The following RPL3 variants were observed in gnomAD, a reference collection of about 807,000 sequenced individuals.
RPL3 encodes the protein ribosomal protein L3.
In RPL3, 3 loss-of-function variants were observed where a neutral mutation model predicts 46.0. The observed-to-expected ratio is 0.07, with a 90% confidence interval of 0.03 to 0.17. The LOEUF (loss-of-function observed/expected upper bound fraction) is 0.17. Ranked by LOEUF, RPL3 falls within the 10% of genes least tolerant of loss-of-function variation. RPL3 has a pLI of 1.00. For synonymous variants in RPL3, 224 were observed against 190.8 expected (o/e 1.17, Z -1.43); for missense variants, 387 against 532.7 (o/e 0.73, Z 2.69).
chr22:39,317,013 C>T (rs763177338), intron 3 of RPL3, 172 bp from the exon 4 acceptor site: 13 of 962,852 alleles, frequency 1.4e-5, no homozygotes, highest in Non-Finnish European at 2.1e-5. Flanking sequence ...CGGGCAGAGC[C>T]GAGCGGAGCT....
chr22:39,317,701 C>T, intron 2 of RPL3, 72 bp from the exon 3 acceptor site: 1 of 1,568,382 alleles, frequency 6.4e-7, no homozygotes, highest in South Asian at 1.1e-5. Flanking sequence ...TAGGAAAATG[C>T]AAAGTGCCCA....
At chr22:39,317,264 A>G (rs1922760590) in intron 3 of RPL3, 197 bp downstream of exon 3, 1 of 654,476 alleles carries the variant, frequency 1.5e-6, no homozygotes, top group African/African-American at 1.8e-5. Context: ...CTGGACTCAG[A>G]ATGAGGGTGT....
In RPL3 at chr22:39,314,705, C is replaced by T. The variant is rs373678761; in HGVS notation, c.830G>A (p.Arg277His). The T allele has an allele frequency of 7.4e-6, 12 of 1,613,148 alleles. No individual in the cohort carries two copies. Among genetic ancestry groups the T allele is most frequent in the African/African-American group, 1.3e-5 (1 of 74,970 alleles). Residue 277 changes from arginine to histidine, a missense_variant, in exon 6 of 10, where the codon CGC becomes CAC. Around this residue, in one of 5 missense-constraint regions of RPL3, gnomAD observed 131 missense variants for 185.1 expected, o/e 0.71. Coordinates refer to ENST00000216146, the MANE Select transcript of RPL3 (RefSeq NM_000967.4). ...CCTCACCTTCTTGTTGATCTCAGTG[C>T]GGTGATGGTAGCCTTTCTGCCCAGC... ...ARAGQKGYHHRTEINKKIYKI... is the reference protein window; with the variant it reads ...ARAGQKGYHHHTEINKKIYKI...
At chr22:39,313,914 A>G (rs760454408) in intron 7 of RPL3, 185 bp from the exon 8 acceptor site, 46 of 835,226 alleles carry the variant, frequency 5.5e-5, no homozygotes, top group Admixed American at 3.4e-5. Flanking sequence ...TGAACAGCTG[A>G]GCCTGAGACC....
At chr22:39,313,416 T>G in intron 8 of RPL3, 106 bp from the exon 9 acceptor site, 1 of 1,523,706 alleles carries the variant, frequency 6.6e-7, no homozygotes, top group South Asian at 1.2e-5. Context: ...CAATTCAGCC[T>G]CCCCCACCAT....
chr22:39,314,635 C>A, intron 6 of RPL3, 51 bp downstream of exon 6: 1 of 1,565,410 alleles, frequency 6.4e-7, no homozygotes, highest in Non-Finnish European at 8.7e-7. Flanking sequence ...ACCCCACTCC[C>A]CATCACGGGG....
At position 39,314,702 on chromosome 22, in the gene RPL3, G is replaced by A; in HGVS notation, c.833C>T (p.Thr278Ile). 3 of 1,613,214 alleles carry A rather than the reference G, an allele frequency of 1.9e-6. No individual in the cohort carries two copies. The highest frequency in any genetic ancestry group is 2.5e-6 in the Non-Finnish European group (3 of 1,179,846). ...GAACCTCACCTTCTTGTTGATCTCA[G>A]TGCGGTGATGGTAGCCTTTCTGCCC... ...RAGQKGYHHR[T>I]EINKKIYKIG... The change falls in exon 6 of 10, where the codon ACT (threonine) becomes ATT (isoleucine). Residue 278 changes from threonine (T) to isoleucine (I), a missense_variant. By Grantham distance (89) the Thr-to-Ile change is moderately conservative. Transcript: ENST00000216146.
chr22:39,313,085 A>G (rs1169600624), intron 9 of RPL3, 101 bp from the exon 10 acceptor site: 2 of 1,605,268 alleles, frequency 1.2e-6, no homozygotes, highest in Middle Eastern at 1.7e-4. Context: ...CCACAGCCAC[A>G]AGAGAGGCCT....
intron 1 of RPL3, chr22:39,319,269 A>C: frequency 1.9e-6 from 1 of 513,526 alleles, no homozygotes; most frequent in South Asian, 1.9e-5. Context: ...CAAGCAGGTT[A>C]TGGGCCCTAA....
chr22:39,319,434 T>A, intron 1 of RPL3, 161 bp downstream of exon 1: 1 of 1,010,602 alleles, frequency 9.9e-7, no homozygotes, highest in Non-Finnish European at 1.5e-6. Context: ...CACAAGCCTC[T>A]CGACTTTCCA....
intron 3 of RPL3, 98 bp downstream of exon 3, chr22:39,317,363 C>G: frequency 7.3e-7 from 1 of 1,376,890 alleles, no homozygotes; most frequent in Non-Finnish European, 1.0e-6. Flanking sequence ...GACAGCAGCT[C>G]CCTGCCTGCT....
chr22:39,317,492 C>T lies in RPL3; in HGVS notation c.334G>A (p.Asp112Asn). The change falls in exon 3 of 10, where the codon GAT (aspartate) becomes AAT (asparagine). Residue 112 changes from aspartate (D) to asparagine (N), a missense_variant. This residue lies in a region of RPL3 where 196 missense variants were observed against 217.5 expected (regional missense o/e 0.90). Coordinates refer to ENST00000216146, the MANE Select transcript of RPL3 (RefSeq NM_000967.4). ...FKTVFAEHIS[D>N]ECKRRFYKNW... ...TTATAGAAACGCCTCTTGCATTCATCACTGATGTGCTCAGCAAAGACAGTC... is the reference window on the plus strand; with the variant it reads ...TTATAGAAACGCCTCTTGCATTCATTACTGATGTGCTCAGCAAAGACAGTC... 6.2e-7 allele frequency: 1 copy of T among 1,613,994 alleles called. No individual in the cohort carries two copies. Among genetic ancestry groups the T allele is most frequent in the Non-Finnish European group, 8.5e-7 (1 of 1,179,866 alleles).
At chr22:39,318,330 T>G in intron 2 of RPL3, 70 bp downstream of exon 2, 1 of 1,542,826 alleles carries the variant, frequency 6.5e-7, no homozygotes, top group South Asian at 1.2e-5. Context: ...GCTAACAGCT[T>G]GACTCCATCT....
chr22:39,317,433 C>T, intron 3 of RPL3, 28 bp downstream of exon 3: 1 of 1,604,354 alleles, frequency 6.2e-7, no homozygotes, highest in Non-Finnish European at 8.5e-7. Context: ...AGCTCCCAAG[C>T]TAGGGACTGC....
intron 7 of RPL3, 40 bp from the exon 8 acceptor site, chr22:39,313,769 G>A (rs1345284044): frequency 3.8e-6 from 6 of 1,593,192 alleles, no homozygotes; most frequent in Non-Finnish European, 4.3e-6. Context: ...CCCAGGAGGG[G>A]ATTGTCGTGC....
chr22:39,319,254 C>T, intron 1 of RPL3: 5 of 507,130 alleles, frequency 9.9e-6, no homozygotes, highest in Non-Finnish European at 1.8e-5. Flanking sequence ...GTCCTTCTAC[C>T]CAGACAAGCA....
Position 39,313,293 on chromosome 22 carries a change from C to T in RPL3, c.1065G>A (p.Thr355=), listed in dbSNP as rs370774151. The part of the protein sequence containing the change: ...LTLRKSLLVQ[T]KRRALEKIDL... ...CAATCTTCTCCAGAGCCCGCCGCTT[C>T]GTCTGCACCAGCAAGGACTATGGGC... Residue 355 remains threonine (T), a synonymous_variant, in exon 9 of 10, where the codon ACG becomes ACA. Transcript: ENST00000216146. 1.1e-5 allele frequency: 17 copies of T among 1,613,864 alleles called. No individual in the cohort carries two copies. The East Asian group carries it at 1.6e-4, about 15-fold the overall frequency.
rs201453499 is a variant in RPL3, at chr22:39,317,633, C to CAA, written c.197-6_197-5dup. The CAA allele has an allele frequency of 3.8e-6, 6 of 1,561,986 alleles. No homozygotes were observed. The highest frequency in any genetic ancestry group is 5.2e-6 in the Non-Finnish European group (6 of 1,149,316). On this transcript the variant is annotated splice_polypyrimidine_tract_variant and splice_region_variant and intron_variant, in intron 2 of 9. Coordinates refer to ENST00000216146, the MANE Select transcript of RPL3 (RefSeq NM_000967.4). The stretch of plus-strand genomic sequence containing the variant: ...ACCACCTCCTTCTTGTTCACCTCTG[C>CAA]AAAAAAAAAGCAGTAGTCAGACTTG...
At chr22:39,318,661 C>CT in intron 1 of RPL3, 69 bp from the exon 2 acceptor site, 11 of 1,342,168 alleles carry the variant, frequency 8.2e-6, no homozygotes, top group South Asian at 1.4e-5. Flanking sequence ...TTCCCAGCTG[C>CT]TTAAGTTCCA....
Sources: allele counts gnomAD v4.1 joint callset, GRCh38; gene constraint gnomAD v4.1.1; regional missense constraint gnomAD v4.1.1; transcripts MANE v1.5; gene names NCBI Gene and HGNC (gene_info 2026-07-23, HGNC 2026-07-21).